Variants in TMEM132D observed in about 807,000 individuals in gnomAD.
TMEM132D encodes mature OL transmembrane protein.
Under a neutral mutation model 62.3 loss-of-function variants are expected in TMEM132D, and 21 were observed. That is an observed-to-expected ratio of 0.34 (90% CI 0.24 to 0.49). The LOEUF is 0.49. Among genes scored for constraint, TMEM132D ranks in the 20% least tolerant of loss-of-function variants. The probability of loss-of-function intolerance (pLI) is 0.99; values close to 1 mark genes in which losing one functional copy is unlikely to be tolerated. For missense variants in TMEM132D, 1,346 were observed against 1,402.8 expected (o/e 0.96, Z 0.65); for synonymous variants, 621 against 575.6 (o/e 1.08, Z -1.13).
chr12:129,241,380 A>G (rs967862402), intron 4 of TMEM132D, among the ~76,000 whole-genome samples: 3 of 152,090 alleles, frequency 2.0e-5, no homozygotes, highest in African/African-American at 7.2e-5. Flanking sequence ...TGAATGACAC[A>G]TATGTTTCGC....
chr12:129,419,974 G>T (rs542008058), intron 3 of TMEM132D, among the ~76,000 whole-genome samples: 57 of 152,122 alleles, frequency 3.7e-4, no homozygotes, highest in Non-Finnish European at 1.3e-4. Flanking sequence ...GTCATCATCT[G>T]CCCAAAATGA....
chr12:129,759,174 T>C (rs1011544317), intron 1 of TMEM132D, among the ~76,000 whole-genome samples: 3 of 152,128 alleles, frequency 2.0e-5, no homozygotes, highest in Non-Finnish European at 4.4e-5. Context: ...CCTCAGGTGA[T>C]CCACCTACCT....
At chr12:129,887,924 A>G (rs2137391436) in intron 1 of TMEM132D, among the ~76,000 whole-genome samples, 1 of 152,320 alleles carries the variant, frequency 6.6e-6, no homozygotes, top group East Asian at 1.9e-4. Context: ...TAACGAGATA[A>G]GGCAGAACTC....
At chr12:129,141,747 G>C (rs1243049003) in intron 5 of TMEM132D, among the ~76,000 whole-genome samples, 1 of 152,060 alleles carries the variant, frequency 6.6e-6, no homozygotes. Flanking sequence ...AGAAATGACA[G>C]ACACTGGGGA....
At position 129,801,411 on chromosome 12, in the gene TMEM132D, C is replaced by T. The variant is rs1249396877; in HGVS notation, c.80-100713G>A. Reference sequence around the variant, plus strand: ...CCCCGAGCAGCCTAACTGGGAGGCACCCCCCAGCAGGGGCACACTGACACC... The same window carrying T: ...CCCCGAGCAGCCTAACTGGGAGGCATCCCCCAGCAGGGGCACACTGACACC... On this transcript the variant is annotated intron_variant, in intron 1 of 8. Transcript: ENST00000422113. 3.3e-5 allele frequency among the ~76,000 whole-genome samples: 5 copies of T among 151,564 alleles called. No homozygotes were observed. The South Asian group carries it at 6.3e-4, about 19-fold the overall frequency.
Position 129,501,873 on chromosome 12 carries a change from G to A in TMEM132D, c.1115+29186C>T, listed in dbSNP as rs1311228894. 2.0e-5 allele frequency among the ~76,000 whole-genome samples: 3 copies of A among 152,060 alleles called. No individual in the cohort carries two copies. In the East Asian group the frequency reaches 5.8e-4, roughly 29 times the overall value. On this transcript the variant is annotated intron_variant, in intron 3 of 8. Coordinates refer to ENST00000422113, the MANE Select transcript of TMEM132D (RefSeq NM_133448.3). Reference sequence around the variant, plus strand: ...GGGCTTGTCATCATCACTATCTTGGGTGTCATCAAAACTGGCTCCTAAAAA... The same window carrying A: ...GGGCTTGTCATCATCACTATCTTGGATGTCATCAAAACTGGCTCCTAAAAA...
At chr12:129,217,734 A>G (rs10847804) in intron 4 of TMEM132D, among the ~76,000 whole-genome samples, 61,672 of 152,056 alleles carry the variant, frequency 0.41, 13,788 homozygotes, top group East Asian at 0.85. Context: ...TTTTTTACAG[A>G]GGTTAGCTGT....
At chr12:129,604,456 C>T (rs117819020) in intron 2 of TMEM132D, among the ~76,000 whole-genome samples, 7 of 152,182 alleles carry the variant, frequency 4.6e-5, no homozygotes, top group East Asian at 1.9e-4. Flanking sequence ...ATAAACATCC[C>T]GGTGCAGGTT....
chr12:129,688,492 A>G (rs7301627), intron 2 of TMEM132D, among the ~76,000 whole-genome samples: 38,746 of 152,040 alleles, frequency 0.25, 5,718 homozygotes, highest in Admixed American at 0.33. Context: ...AGCTCCTCTC[A>G]TGGTGCAAAC....
chr12:129,583,016 G>A (rs530339608), intron 2 of TMEM132D, among the ~76,000 whole-genome samples: 19 of 152,120 alleles, frequency 1.2e-4, no homozygotes, highest in Admixed American at 1.2e-3. Flanking sequence ...TGCAATATTG[G>A]CCAGACTGGT....
intron 3 of TMEM132D, among the ~76,000 whole-genome samples, chr12:129,346,670 A>G (rs1193280991): frequency 6.6e-6 from 1 of 152,172 alleles, no homozygotes; most frequent in African/African-American, 2.4e-5. Context: ...GTCCTCTCTC[A>G]CCACTCCTAT....
chr12:129,796,749 G>A (rs1185969842), intron 1 of TMEM132D, among the ~76,000 whole-genome samples: 3 of 152,264 alleles, frequency 2.0e-5, no homozygotes, highest in Admixed American at 6.5e-5. Context: ...AGTAAGGGGA[G>A]GGGTAGCATT....
intron 5 of TMEM132D, among the ~76,000 whole-genome samples, chr12:129,108,893 A>G (rs1474990240): frequency 6.6e-6 from 1 of 152,208 alleles, no homozygotes; most frequent in African/African-American, 2.4e-5. Context: ...GCTCTATCGC[A>G]TATCTGTCCA....
At position 129,117,995 on chromosome 12, in the gene TMEM132D, C is replaced by T. The variant is rs1367576418; in HGVS notation, c.1444-33293G>A. ...TTTCCTGGCTAGAGCTCCCCAGCTC[C>T]CACCCTGAAAGTCACTGTTGCTACT... On this transcript the variant is annotated intron_variant, in intron 5 of 8. Coordinates refer to ENST00000422113, the MANE Select transcript of TMEM132D (RefSeq NM_133448.3). Among the ~76,000 whole-genome samples the T allele has an allele frequency of 2.6e-5, 4 of 152,256 alleles. No homozygotes were observed. In the East Asian group the frequency reaches 5.8e-4, roughly 22 times the overall value.
At chr12:129,216,873 C>CT (rs1427057637) in intron 4 of TMEM132D, among the ~76,000 whole-genome samples, 7 of 152,234 alleles carry the variant, frequency 4.6e-5, no homozygotes, top group African/African-American at 1.4e-4. Context: ...TAATCACCAT[C>CT]TTAACTGATG....
At position 129,151,090 on chromosome 12, in the gene TMEM132D, G is replaced by T. The variant is rs115700292; in HGVS notation, c.1443+58430C>A. On this transcript the variant is annotated intron_variant, in intron 5 of 8. Coordinates refer to ENST00000422113, the MANE Select transcript of TMEM132D (RefSeq NM_133448.3). ...TTGCAGAGCACGCATCTAATTTTCC[G>T]ACTTCACGAGGCACATCCACCAAGA... 6.6e-3 allele frequency among the ~76,000 whole-genome samples: 1,008 copies of T among 152,228 alleles called. 8 individuals are homozygous for T. Among genetic ancestry groups the T allele is most frequent in the African/African-American group, 0.022 (916 of 41,544 alleles).
chr12:129,732,025 C>G (rs1196311654), intron 1 of TMEM132D, among the ~76,000 whole-genome samples: 7 of 152,086 alleles, frequency 4.6e-5, no homozygotes, highest in Non-Finnish European at 1.0e-4. Context: ...TTTTCAGATG[C>G]TACCATCGAG....
At chr12:129,464,958 CT>C (rs1454578662) in intron 3 of TMEM132D, among the ~76,000 whole-genome samples, 2 of 133,682 alleles carry the variant, frequency 1.5e-5, no homozygotes, top group Non-Finnish European at 3.2e-5. Context: ...AATGCGGGCT[CT>C]TTTTTGGTTC....
In TMEM132D at chr12:129,545,398, C is replaced by A. The variant is rs1427888292; in HGVS notation, c.969-14193G>T. Among the ~76,000 whole-genome samples the A allele has an allele frequency of 2.6e-5, 4 of 152,018 alleles. No individual in the cohort carries two copies. The East Asian group carries it at 7.7e-4, about 29-fold the overall frequency. ...TAATCATTTCAAGTTAGAATTTTTT[C>A]TTTTATTTTTCATTTATTTTTACTT... On this transcript the variant is annotated intron_variant, in intron 2 of 8. Transcript: ENST00000422113.
Sources: gnomAD v4.1 joint callset for allele counts (sites outside exome capture counted in the v4.1 genomes callset) on GRCh38, gnomAD v4.1.1 for gene constraint, MANE v1.5 for transcripts, NCBI Gene and HGNC (gene_info 2026-07-23, HGNC 2026-07-21) for gene names.